SELENOF: variants seen among roughly 807,000 people sequenced by gnomAD.
The protein encoded by SELENOF is 15 kDa selenoprotein.
In SELENOF, 16 loss-of-function variants were observed where a neutral mutation model predicts 20.5. That is an observed-to-expected ratio of 0.78 (90% CI 0.53 to 1.19). The LOEUF (loss-of-function observed/expected upper bound fraction) is 1.19. Ranked by LOEUF, SELENOF falls within the 50% of genes most tolerant of loss-of-function variation. SELENOF has a pLI of 0.00. For missense variants in SELENOF, 215 were observed against 194.2 expected (o/e 1.11, Z -0.64); for synonymous variants, 78 against 74.5 (o/e 1.05, Z -0.24).
chr1:86,884,927 A>G (rs1216693647), intron 2 of SELENOF, among the ~76,000 whole-genome samples: 1 of 152,202 alleles, frequency 6.6e-6, no homozygotes, highest in Non-Finnish European at 1.5e-5. Flanking sequence ...CTCTATTTCC[A>G]TGTAACTTAT....
At chr1:86,867,646 ATAT>A (rs1658637577) in intron 4 of SELENOF, among the ~76,000 whole-genome samples, 1 of 152,176 alleles carries the variant, frequency 6.6e-6, no homozygotes, top group Admixed American at 6.5e-5. Context: ...TAGATATGTA[ATAT>A]TATGCATTTG....
chr1:86,884,485 G>A (rs552808489), intron 2 of SELENOF, among the ~76,000 whole-genome samples: 1 of 152,040 alleles, frequency 6.6e-6, no homozygotes, highest in South Asian at 2.1e-4. Context: ...ACTACAGATT[G>A]TAGTAAATTT....
At position 86,912,726 on chromosome 1, in the gene SELENOF, C is replaced by G. The variant is rs72947836; in HGVS notation, c.84+1302G>C. Among the ~76,000 whole-genome samples, 31 of 152,226 alleles carry G rather than the reference C, an allele frequency of 2.0e-4. No individual in the cohort carries two copies. The South Asian group carries it at 6.0e-3, about 30-fold the overall frequency. ...ACTATAAACAGTGGTAATCCTGGAA[C>G]CTTTCGGTTTAGCTGACCTACTAGG... On this transcript the variant is annotated intron_variant, in intron 1 of 4. Transcript: ENST00000331835.
intron 1 of SELENOF, among the ~76,000 whole-genome samples, chr1:86,909,301 C>T (rs1386874054): frequency 6.6e-6 from 1 of 152,062 alleles, no homozygotes; most frequent in African/African-American, 2.4e-5. Context: ...GCTTTCTTTT[C>T]TTAAAAGCAC....
chr1:86,886,630 A>G (rs1659227634), intron 2 of SELENOF, among the ~76,000 whole-genome samples: 1 of 152,194 alleles, frequency 6.6e-6, no homozygotes, highest in South Asian at 2.1e-4. Context: ...TTATATTAAA[A>G]GAAGTTTTTC....
intron 2 of SELENOF, among the ~76,000 whole-genome samples, chr1:86,882,240 T>C (rs537430221): frequency 1.9e-5 from 2 of 105,146 alleles, no homozygotes; most frequent in East Asian, 5.0e-4. Context: ...AGAGCAAGAC[T>C]CTGTCTCAAA....
chr1:86,881,424 C>T (rs1039146973), intron 2 of SELENOF, among the ~76,000 whole-genome samples: 1 of 152,178 alleles, frequency 6.6e-6, no homozygotes, highest in African/African-American at 2.4e-5. Flanking sequence ...GTAAACACCA[C>T]TTTTTTTGTA....
In SELENOF at chr1:86,880,707, G is replaced by A. The variant is rs1659045422; in HGVS notation, c.271C>T (p.Leu91Phe). 1 of 1,593,834 alleles carries A rather than the reference G, an allele frequency of 6.3e-7. No individual in the cohort carries two copies. Among genetic ancestry groups the A allele is most frequent in the Non-Finnish European group, 8.6e-7 (1 of 1,169,146 alleles). ...ETKKLYAGAI[L>F]EVCGUKLGRF... Reference sequence around the variant, plus strand: ...CCCAATTTTCATCCACAAACTTCAAGAATAGCTCCTGCATACAGCTACAAA... The same window carrying A: ...CCCAATTTTCATCCACAAACTTCAAAAATAGCTCCTGCATACAGCTACAAA... Residue 91 changes from leucine to phenylalanine, a missense_variant, in exon 3 of 5, where the codon CTT becomes TTT. By Grantham distance (22) the Leu-to-Phe change is conservative (BLOSUM62 0). Transcript: ENST00000331835.
At chr1:86,898,810 C>A (rs1158951816) in intron 2 of SELENOF, among the ~76,000 whole-genome samples, 1 of 149,610 alleles carries the variant, frequency 6.7e-6, no homozygotes, top group African/African-American at 2.5e-5. Context: ...TTTTATTGAT[C>A]ATTCTTGGGT....
intron 3 of SELENOF, among the ~76,000 whole-genome samples, chr1:86,878,548 G>A (rs1005668204): frequency 2.0e-5 from 3 of 152,234 alleles, no homozygotes; most frequent in Non-Finnish European, 4.4e-5. Flanking sequence ...TGGGTGTGGT[G>A]GCGTGCGCCT....
At chr1:86,913,142 G>T (rs1282801245) in intron 1 of SELENOF, among the ~76,000 whole-genome samples, 3 of 152,150 alleles carry the variant, frequency 2.0e-5, no homozygotes, top group Admixed American at 6.5e-5. Flanking sequence ...AAGTACAGGT[G>T]TTCATAGAGG....
intron 2 of SELENOF, among the ~76,000 whole-genome samples, chr1:86,898,466 G>A (rs1659582842): frequency 6.6e-6 from 1 of 152,050 alleles, no homozygotes; most frequent in Non-Finnish European, 1.5e-5. Flanking sequence ...TCCTTAGATA[G>A]ACCTATATAA....
chr1:86,909,905 T>C (rs184996536), intron 1 of SELENOF, among the ~76,000 whole-genome samples: 178 of 152,308 alleles, frequency 1.2e-3, no homozygotes, highest in African/African-American at 3.7e-3. Flanking sequence ...CTCGGGAGGC[T>C]GATGCAGGAG....
At chr1:86,886,395 C>T (rs892795253) in intron 2 of SELENOF, among the ~76,000 whole-genome samples, 8 of 151,034 alleles carry the variant, frequency 5.3e-5, no homozygotes, top group African/African-American at 1.7e-4. Flanking sequence ...AAAAGGTAAA[C>T]CATAAACATC....
At chr1:86,893,300 C>G (rs472653) in intron 2 of SELENOF, among the ~76,000 whole-genome samples, 19 of 151,922 alleles carry the variant, frequency 1.3e-4, no homozygotes, top group African/African-American at 4.6e-4. Flanking sequence ...CAGTAAGAAG[C>G]TGAGATGAAA....
chr1:86,876,487 TAAG>T (rs1452265340), intron 3 of SELENOF, among the ~76,000 whole-genome samples: 2 of 152,230 alleles, frequency 1.3e-5, no homozygotes, highest in Non-Finnish European at 2.9e-5. Context: ...CTCTGTATTT[TAAG>T]AAGATCTCCA....
At chr1:86,877,737 G>A (rs979412958) in intron 3 of SELENOF, among the ~76,000 whole-genome samples, 1 of 152,080 alleles carries the variant, frequency 6.6e-6, no homozygotes, top group African/African-American at 2.4e-5. Context: ...GGAGGCCCAC[G>A]GGCCAAATCT....
chr1:86,892,252 G>T (rs1763578), intron 2 of SELENOF, among the ~76,000 whole-genome samples: 39,374 of 151,926 alleles, frequency 0.26, 6,293 homozygotes, highest in African/African-American at 0.45. Flanking sequence ...TTATTATTTA[G>T]TATTACTGCT....
At chr1:86,875,467 C>T (rs1570378544) in intron 3 of SELENOF, among the ~76,000 whole-genome samples, 1 of 152,226 alleles carries the variant, frequency 6.6e-6, no homozygotes, top group Non-Finnish European at 1.5e-5. Context: ...CCTGTAAATT[C>T]ATCAAGGGCA....
Sources: allele counts gnomAD v4.1 joint callset (sites outside exome capture counted in the v4.1 genomes callset), GRCh38; gene constraint gnomAD v4.1.1; transcripts MANE v1.5; gene names NCBI Gene and HGNC (gene_info 2026-07-23, HGNC 2026-07-21).